Variants in TSPAN16 observed in about 807,000 individuals in gnomAD.
TSPAN16 encodes tetraspanin-16.
Under a neutral mutation model 25.2 loss-of-function variants are expected in TSPAN16, and 23 were observed. The observed-to-expected ratio is 0.91, with a 90% CI of 0.66 to 1.29. The LOEUF is 1.29. Ranked by LOEUF, TSPAN16 falls within the 50% of genes most tolerant of loss-of-function variation. The pLI is 0.00. For synonymous variants in TSPAN16, 123 were observed against 124.4 expected (o/e 0.99, Z 0.08); for missense variants, 272 against 299.9 (o/e 0.91, Z 0.69).
intron 6 of TSPAN16, chr19:11,322,137 T>C (rs907625067): frequency 6.6e-6 from 1 of 152,124 alleles, no homozygotes; most frequent in Non-Finnish European, 1.5e-5. Flanking sequence ...CATCAAGGAA[T>C]TGCTACACAG....
chr19:11,301,540 T>G (rs2080549588), intron 4 of TSPAN16, among the ~76,000 whole-genome samples: 2 of 151,364 alleles, frequency 1.3e-5, no homozygotes, highest in South Asian at 4.2e-4. Context: ...CTCAGGAGGC[T>G]GAGGCAGGAG....
chr19:11,320,217 G>A (rs2080770339), downstream of TSPAN16, among the ~76,000 whole-genome samples: 2 of 148,422 alleles, frequency 1.3e-5, no homozygotes, highest in South Asian at 4.2e-4. Context: ...TGCCCCACTT[G>A]TTCAAGCGAT....
rs58115943 is a variant in TSPAN16 at position 11,315,235 on chromosome 19, C to CAATAATAATAAT, written c.688-527_688-516dup. Among the ~76,000 whole-genome samples the CAATAATAATAAT allele has an allele frequency of 5.7e-3, 712 of 124,726 alleles. 2 individuals carry two copies. Among genetic ancestry groups the CAATAATAATAAT allele is most frequent in the Non-Finnish European group, 7.0e-3 (429 of 61,076 alleles). The allele number at this position is 124,726 out of a possible 152,430, so 81.8% of individuals were successfully genotyped here. ...TGGGCAACAGAGTGAGACTCCTTCT[C>CAATAATAATAAT]AATAATAATAATAATAATAATAATA... On this transcript the variant is annotated intron_variant, in intron 6 of 6. Coordinates refer to ENST00000590327, the MANE Select transcript of TSPAN16 (RefSeq NM_001282509.2).
At chr19:11,315,228 TC>T (rs2080733651) in intron 6 of TSPAN16, among the ~76,000 whole-genome samples, 1 of 127,328 alleles carries the variant, frequency 7.9e-6, no homozygotes, top group South Asian at 2.4e-4. Context: ...AGAGTGAGAC[TC>T]CTTCTCAATA....
In TSPAN16 at chr19:11,298,887, G is replaced by A; in HGVS notation, c.283G>A (p.Val95Ile). The change falls in exon 3 of 7, where the codon GTT (valine) becomes ATT (isoleucine). Residue 95 changes from valine (V) to isoleucine (I), a missense_variant. Transcript: ENST00000590327. ...GTLLFCILSM[V>I]IVLIMEVTAA... The stretch of plus-strand genomic sequence containing the variant: ...TGTCTTTTAGTGCATCCTGTCAATG[G>A]TTATTGTCCTCATCATGGAAGTTAC... 6.2e-7 allele frequency: 1 copy of A among 1,614,076 alleles called. No individual in the cohort carries two copies. The highest frequency in any genetic ancestry group is 1.6e-4 in the Middle Eastern group (1 of 6,062).
Position 11,312,197 on chromosome 19 carries a change from G to A in TSPAN16, c.662G>A (p.Ser221Asn). 6.2e-7 allele frequency: 1 copy of A among 1,612,334 alleles called. No homozygotes were observed. ...ACTCAGAGCTTCACCCTGAGTGGGAGCTCTCTGGGAGCTGCAGTGATACAG... is the reference window on the plus strand; with the variant it reads ...ACTCAGAGCTTCACCCTGAGTGGGAACTCTCTGGGAGCTGCAGTGATACAG... ...TKTQSFTLSG[S>N]SLGAAVIQLP... is the part of the protein sequence containing the mutation. The change falls in exon 6 of 7, where the codon AGC becomes AAC. Residue 221 changes from serine to asparagine, a missense_variant. Transcript: ENST00000590327.
chr19:11,322,063 C>A (rs1022584634), intron 6 of TSPAN16: 33 of 152,160 alleles, frequency 2.2e-4, no homozygotes, highest in Admixed American at 1.6e-3. Flanking sequence ...AAAAGCACAA[C>A]TATATTTGGG....
intron 5 of TSPAN16, among the ~76,000 whole-genome samples, chr19:11,311,528 T>C (rs1419441790): frequency 6.6e-6 from 1 of 152,086 alleles, no homozygotes; most frequent in Non-Finnish European, 1.5e-5. Flanking sequence ...CTGGCTGAGC[T>C]CAAGCAATCC....
At chr19:11,313,386 C>A (rs1340786469) in intron 6 of TSPAN16, among the ~76,000 whole-genome samples, 1 of 151,796 alleles carries the variant, frequency 6.6e-6, no homozygotes, top group Non-Finnish European at 1.5e-5. Context: ...GTGATGCACG[C>A]CTGTAATCTC....
At chr19:11,313,362 AT>A (rs1172677686) in intron 6 of TSPAN16, among the ~76,000 whole-genome samples, 6 of 151,996 alleles carry the variant, frequency 3.9e-5, no homozygotes, top group African/African-American at 1.4e-4. Flanking sequence ...AAATAAAAAA[AT>A]TAGCTGGGCG....
chr19:11,326,731 G>A, intron 6 of TSPAN16: 1 of 689,400 alleles, frequency 1.5e-6, no homozygotes, highest in South Asian at 1.5e-5. Flanking sequence ...GGCCCCCTGA[G>A]TAGCTGGGGC....
At chr19:11,326,850 TCCC>T (rs765726384) in exon 7 of TSPAN16, 2 of 645,814 alleles carry the variant, frequency 3.1e-6, no homozygotes, top group Non-Finnish European at 5.6e-6. Flanking sequence ...CCTAAAGCGA[TCCC>T]CCCGCCTAGG....
At chr19:11,301,121 T>C (rs2080542287) in intron 3 of TSPAN16, 80 bp from the exon 4 acceptor site, 3 of 1,230,652 alleles carry the variant, frequency 2.4e-6, no homozygotes, top group Non-Finnish European at 3.6e-6. Context: ...CACCTCCCAC[T>C]CTATCCTCAA....
At position 11,298,146 on chromosome 19, in the gene TSPAN16, C is replaced by T. The variant is rs752798543; in HGVS notation, c.74C>T (p.Ser25Phe). The change falls in exon 2 of 7, where the codon TCT (serine) becomes TTT (phenylalanine). Residue 25 changes from serine (S) to phenylalanine (F), a missense_variant. Transcript: ENST00000590327. Reference sequence around the variant, plus strand: ...TTTCTGGTTTCTGTTCTAAAGGTGTCTGGCATCATCCTAGTTGGCCTGGGC... The same window carrying T: ...TTTCTGGTTTCTGTTCTAAAGGTGTTTGGCATCATCCTAGTTGGCCTGGGC... ...LSLLNGFVAV[S>F]GIILVGLGIG... The T allele has an allele frequency of 5.0e-6, 8 of 1,614,056 alleles. No homozygotes were observed. The South Asian group carries it at 6.6e-5, about 13-fold the overall frequency.
downstream of TSPAN16, among the ~76,000 whole-genome samples, chr19:11,319,131 T>C (rs1186372823): frequency 6.6e-6 from 1 of 152,208 alleles, no homozygotes; most frequent in Non-Finnish European, 1.5e-5. Flanking sequence ...TGAGCTTCCC[T>C]CACTTCAGAG....
chr19:11,318,991 G>T (rs1027999247), downstream of TSPAN16, among the ~76,000 whole-genome samples: 1 of 152,142 alleles, frequency 6.6e-6, no homozygotes, highest in Non-Finnish European at 1.5e-5. Flanking sequence ...AAACATGTGG[G>T]GTTTTCCACA....
At chr19:11,322,342 G>A (rs370801537) in intron 6 of TSPAN16, 5 of 149,124 alleles carry the variant, frequency 3.4e-5, no homozygotes, top group East Asian at 1.9e-4. Flanking sequence ...CCAGTCCCCC[G>A]AAAAAGAAGA....
intron 6 of TSPAN16, among the ~76,000 whole-genome samples, chr19:11,326,025 C>T (rs28407490): frequency 3.3e-5 from 5 of 151,908 alleles, no homozygotes; most frequent in African/African-American, 4.8e-5. Context: ...GTTCAAGACC[C>T]GCCTGACCAA....
intron 3 of TSPAN16, among the ~76,000 whole-genome samples, chr19:11,299,674 T>C (rs1236754649): frequency 1.3e-5 from 2 of 152,116 alleles, no homozygotes; most frequent in African/African-American, 2.4e-5. Flanking sequence ...TGCCAGGGCA[T>C]GTGAAAGATT....
Sources: allele counts gnomAD v4.1 joint callset (sites outside exome capture counted in the v4.1 genomes callset), GRCh38; gene constraint gnomAD v4.1.1; transcripts MANE v1.5; gene names NCBI Gene and HGNC (gene_info 2026-07-23, HGNC 2026-07-21).